The following CDH23 variants were observed in gnomAD, a reference collection of about 807,000 sequenced individuals.
CDH23 encodes the protein cadherin-23.
CDH23 carries 189 observed loss-of-function variants against 317.1 expected under a neutral mutation model. The ratio of observed to expected loss-of-function variants is 0.60; its 90% CI spans 0.53 to 0.67. CDH23 has a LOEUF of 0.67. Ranked by LOEUF, CDH23 falls within the 30% of genes least tolerant of loss-of-function variation. The pLI is 0.00. For synonymous variants in CDH23, 1,839 were observed against 1,876.8 expected (o/e 0.98, Z 0.52); for missense variants, 4,401 against 4,592.4 (o/e 0.96, Z 1.20).
chr10:71,536,868 A>C (rs1855731963), intron 6 of CDH23, among the ~76,000 whole-genome samples: 1 of 152,114 alleles, frequency 6.6e-6, no homozygotes, highest in African/African-American at 2.4e-5. Context: ...CATGGAATAC[A>C]AAGATGCAAG....
intron 60 of CDH23, 59 bp downstream of exon 60, chr10:71,808,066 C>A: frequency 6.5e-7 from 1 of 1,547,038 alleles, no homozygotes. Context: ...ACTGCATGGA[C>A]TGTCATCTGG....
chr10:71,474,016 G>A (rs184336237), intron 3 of CDH23, among the ~76,000 whole-genome samples: 12 of 152,310 alleles, frequency 7.9e-5, no homozygotes, highest in East Asian at 3.9e-4. Context: ...GCTAATGAGC[G>A]TCACAGCTAA....
chr10:71,404,715 C>A (rs1418397244), intron 1 of CDH23, among the ~76,000 whole-genome samples: 1 of 152,232 alleles, frequency 6.6e-6, no homozygotes, highest in African/African-American at 2.4e-5. Context: ...CGGGCCTGGC[C>A]CTGCAATCAG....
intron 4 of CDH23, 75 bp from the exon 5 acceptor site, chr10:71,510,879 G>A (rs1181042668): frequency 2.6e-5 from 38 of 1,450,922 alleles, no homozygotes; most frequent in Middle Eastern, 1.8e-4. Context: ...AGCCCCTCCC[G>A]CCCCATTTAG....
chr10:71,528,667 G>A (rs983372338), intron 6 of CDH23, among the ~76,000 whole-genome samples: 1 of 152,240 alleles, frequency 6.6e-6, no homozygotes, highest in Non-Finnish European at 1.5e-5. Context: ...TGGGAATCCT[G>A]ATGAAAGGTC....
At chr10:71,422,970 T>A (rs143481026) in intron 1 of CDH23, among the ~76,000 whole-genome samples, 1 of 152,054 alleles carries the variant, frequency 6.6e-6, no homozygotes, top group East Asian at 1.9e-4. Context: ...GGAGGAGGGG[T>A]TGTGCTTGGC....
At chr10:71,698,349 C>G (rs1332753233) in intron 22 of CDH23, among the ~76,000 whole-genome samples, 1 of 152,128 alleles carries the variant, frequency 6.6e-6, no homozygotes, top group African/African-American at 2.4e-5. Flanking sequence ...CTGGAGACTT[C>G]TAGGGCCTCA....
intron 31 of CDH23, among the ~76,000 whole-genome samples, chr10:71,731,358 G>A (rs1336539874): frequency 6.6e-6 from 1 of 152,238 alleles, no homozygotes; most frequent in East Asian, 1.9e-4. Flanking sequence ...CATGGGATGG[G>A]GTGGAGGGAG....
chr10:71,705,447 C>T (rs1865750332), intron 25 of CDH23, among the ~76,000 whole-genome samples: 1 of 152,176 alleles, frequency 6.6e-6, no homozygotes, highest in Non-Finnish European at 1.5e-5. Flanking sequence ...GGCCCGGGAC[C>T]CTCAGGGTCA....
intron 35 of CDH23, 36 bp from the exon 36 acceptor site, chr10:71,739,608 C>T (rs1023886255): frequency 6.2e-7 from 1 of 1,605,866 alleles, no homozygotes; most frequent in Non-Finnish European, 8.5e-7. Context: ...CTCTCCTCCA[C>T]ACCTGCTCAC....
At chr10:71,452,002 T>C (rs1286161578) in intron 3 of CDH23, among the ~76,000 whole-genome samples, 1 of 152,016 alleles carries the variant, frequency 6.6e-6, no homozygotes, top group African/African-American at 2.4e-5. Context: ...GCCCAGGGAG[T>C]GGGCCCAGGA....
chr10:71,554,490 T>A (rs1051862564), intron 6 of CDH23, among the ~76,000 whole-genome samples: 8 of 151,946 alleles, frequency 5.3e-5, no homozygotes, highest in African/African-American at 1.9e-4. Flanking sequence ...TTAAAAAAAA[T>A]TCCAGGAGAC....
chr10:71,565,613 C>A (rs1857354092), intron 6 of CDH23, among the ~76,000 whole-genome samples: 1 of 152,126 alleles, frequency 6.6e-6, no homozygotes, highest in Non-Finnish European at 1.5e-5. Flanking sequence ...CCTGCCCCAC[C>A]CTTGAAGGTG....
chr10:71,545,652 G>A (rs1179649518), intron 6 of CDH23, among the ~76,000 whole-genome samples: 1 of 152,160 alleles, frequency 6.6e-6, no homozygotes, highest in Non-Finnish European at 1.5e-5. Flanking sequence ...AAAACTGATG[G>A]AGTCCCTGCT....
rs1473083128 is a variant in CDH23 at position 71,647,060 on chromosome 10, AAGGGGCCCTCCC to A, written c.1449+446_1449+457del. The A allele has an allele frequency of 3.0e-6, 3 of 985,310 alleles. No homozygotes were observed. In the African/African-American group the frequency reaches 5.2e-5, roughly 17 times the overall value. 61.0% of individuals were successfully genotyped at this position (985,310 alleles called of 1,614,324 possible). On this transcript the variant is annotated intron_variant, in intron 14 of 69. Coordinates refer to ENST00000224721, the MANE Select transcript of CDH23 (RefSeq NM_022124.6). ...CCCATGGCTGGACTTGCCCTTTGAC[AAGGGGCCCTCCC>A]AGTGTCATTTGTATCTGTCAGTACT... is the stretch of plus-strand genomic sequence containing the variant.
intron 3 of CDH23, among the ~76,000 whole-genome samples, chr10:71,456,470 C>T (rs920632279): frequency 7.0e-6 from 1 of 143,806 alleles, no homozygotes; most frequent in Non-Finnish European, 1.5e-5. Context: ...CGGTCCCTGT[C>T]TGGGCACATC....
At chr10:71,453,319 C>T (rs1472418810) in intron 3 of CDH23, among the ~76,000 whole-genome samples, 1 of 152,242 alleles carries the variant, frequency 6.6e-6, no homozygotes, top group Non-Finnish European at 1.5e-5. Context: ...TTCTTCTGGA[C>T]CCAGGGAGAG....
At chr10:71,653,426 C>T (rs1445603136) in intron 14 of CDH23, among the ~76,000 whole-genome samples, 2 of 152,234 alleles carry the variant, frequency 1.3e-5, no homozygotes, top group Admixed American at 1.3e-4. Flanking sequence ...TCAGAGATCA[C>T]CCCTGTCCCT....
chr10:71,652,723 A>C (rs1863235861), intron 14 of CDH23, among the ~76,000 whole-genome samples: 4 of 152,208 alleles, frequency 2.6e-5, no homozygotes, highest in Admixed American at 2.6e-4. Context: ...AAATGTCAGC[A>C]AGTCATGCCT....
Sources: allele counts gnomAD v4.1 joint callset (sites outside exome capture counted in the v4.1 genomes callset), GRCh38; gene constraint gnomAD v4.1.1; transcripts MANE v1.5; gene names NCBI Gene and HGNC (gene_info 2026-07-23, HGNC 2026-07-21).